XRN2: variants seen among roughly 807,000 people sequenced by gnomAD.
XRN2 encodes the protein DHM1-like protein.
A neutral mutation model predicts 138.5 loss-of-function variants in XRN2; 44 were observed. That is an observed-to-expected ratio of 0.32 (90% CI 0.25 to 0.41). The LOEUF is 0.41. Ranked by LOEUF, XRN2 falls within the 10% of genes least tolerant of loss-of-function variation. XRN2 has a pLI of 1.00. For missense variants in XRN2, 937 were observed against 1,169.3 expected, an observed-to-expected ratio of 0.80 and a Z score of 2.90; for synonymous variants, 354 against 369.4, an observed-to-expected ratio of 0.96 and a Z score of 0.48.
At position 21,333,197 on chromosome 20, in the gene XRN2, C is replaced by A. The variant is rs568327215; in HGVS notation, c.859-347C>A. On this transcript the variant is annotated intron_variant, in intron 9 of 29. Coordinates refer to ENST00000377191, the MANE Select transcript of XRN2 (RefSeq NM_012255.5). Reference sequence around the variant, plus strand: ...GTATAGGTCATCAGTTGGCAAACTTCAATCCTCCAGGTTTGGCCTGTGAGC... The same window carrying A: ...GTATAGGTCATCAGTTGGCAAACTTAAATCCTCCAGGTTTGGCCTGTGAGC... Among the ~76,000 whole-genome samples, 539 of 152,300 alleles carry A rather than the reference C, an allele frequency of 3.5e-3. 3 individuals are homozygous for A. Among genetic ancestry groups the A allele is most frequent in the African/African-American group, 0.012 (516 of 41,566 alleles).
chr20:21,375,010 C>CTTTTTT lies in XRN2; in HGVS notation c.2584+6440_2584+6445dup, dbSNP rs34212552. Among the ~76,000 whole-genome samples, 21 of 44,658 alleles carry CTTTTTT rather than the reference C, an allele frequency of 4.7e-4. 1 individual carries two copies. The highest frequency in any genetic ancestry group is 7.0e-4 in the Non-Finnish European group (17 of 24,234). 29.3% of individuals were successfully genotyped at this position (44,658 alleles called of 152,430 possible). ...ATTCTTATGTTGGTTTTGGTAAGTT[C>CTTTTTT]TTTTTTTTTTTTTTTTTTTTTTTTT... On this transcript the variant is annotated intron_variant, in intron 27 of 29. Coordinates refer to ENST00000377191, the MANE Select transcript of XRN2 (RefSeq NM_012255.5).
chr20:21,389,394 T>C lies in XRN2; in HGVS notation c.*56T>C. On this transcript the variant is annotated 3_prime_UTR_variant, in exon 30 of 30. Transcript: ENST00000377191. Reference sequence around the variant, plus strand: ...TCATTCTACAGTTTTATGCTATTTGTGGAAAGATTTCTTTCTCAAGTAGTA... The same window carrying C: ...TCATTCTACAGTTTTATGCTATTTGCGGAAAGATTTCTTTCTCAAGTAGTA... 1 of 1,521,678 alleles carries C rather than the reference T, an allele frequency of 6.6e-7. No individual in the cohort carries two copies. Among genetic ancestry groups the C allele is most frequent in the Non-Finnish European group, 8.9e-7 (1 of 1,119,370 alleles). The allele number at this position is 1,521,678 out of a possible 1,614,324, so 94.3% of individuals were successfully genotyped here.
chr20:21,377,472 G>T (rs1175807270), intron 27 of XRN2, among the ~76,000 whole-genome samples: 1 of 151,124 alleles, frequency 6.6e-6, no homozygotes. Flanking sequence ...GGCCAGGCTG[G>T]TCTCAAATTT....
chr20:21,356,505 C>A, intron 22 of XRN2, 81 bp from the exon 23 acceptor site: 1 of 1,256,872 alleles, frequency 8.0e-7, no homozygotes, highest in Non-Finnish European at 1.1e-6. Context: ...ATGAATGATG[C>A]TGCTATGAAC....
chr20:21,376,784 T>C (rs1202596532), intron 27 of XRN2, among the ~76,000 whole-genome samples: 1 of 152,156 alleles, frequency 6.6e-6, no homozygotes, highest in Non-Finnish European at 1.5e-5. Context: ...TTCACAGAGT[T>C]TGGAAACCCA....
chr20:21,332,409 GTGAAGGTT>G lies in XRN2; in HGVS notation c.830_837del (p.Glu277AlafsTer9). The G allele has an allele frequency of 6.2e-7, 1 of 1,611,736 alleles. No homozygotes were observed. Among genetic ancestry groups the G allele is most frequent in the Admixed American group, 1.7e-5 (1 of 59,810 alleles). On this transcript the variant is annotated frameshift_variant, in exon 9 of 30. Transcript: ENST00000377191. LOFTEE classifies it high-confidence loss of function. The stretch of plus-strand genomic sequence containing the variant: ...CAGTTTGGACATGAGGTCAAAGATT[GTGAAGGTT>G]TGCCAAGAGAAAAGAAGGGAAAGGT...
intron 1 of XRN2, 93 bp downstream of exon 1, chr20:21,303,566 G>A: frequency 7.1e-7 from 1 of 1,411,932 alleles, no homozygotes. Flanking sequence ...CCCCCGGGGA[G>A]CCTTGCCGGA....
chr20:21,303,794 G>C, intron 1 of XRN2: 2 of 1,107,880 alleles, frequency 1.8e-6, no homozygotes, highest in Non-Finnish European at 2.2e-6. Context: ...TCCAGACCGC[G>C]CATTTTGGGT....
chr20:21,348,307 A>G, intron 18 of XRN2, 34 bp from the exon 19 acceptor site: 1 of 1,612,272 alleles, frequency 6.2e-7, no homozygotes, highest in Non-Finnish European at 8.5e-7. Flanking sequence ...ATTAGATAAT[A>G]ATCTTGGGTC....
intron 1 of XRN2, among the ~76,000 whole-genome samples, chr20:21,314,794 G>A (rs6113187): frequency 6.6e-6 from 1 of 152,164 alleles, no homozygotes; most frequent in Admixed American, 6.5e-5. Flanking sequence ...CTGTGAAGCA[G>A]GTTTACTGTG....
At chr20:21,329,425 T>A (rs564472721) in intron 4 of XRN2, among the ~76,000 whole-genome samples, 316 of 152,274 alleles carry the variant, frequency 2.1e-3, no homozygotes, top group Non-Finnish European at 2.7e-3. Context: ...TAAGGGGGTA[T>A]AATAGACCAG....
At chr20:21,353,240 ATATATATATATATATATATATATATC>A (rs11466963) in intron 20 of XRN2, among the ~76,000 whole-genome samples, 95,078 of 140,112 alleles carry the variant, frequency 0.68, 32,429 homozygotes, top group South Asian at 0.83. Flanking sequence ...ATATATATAT[ATATATATATATATATATATATATATC>A]TCTTAAATGT....
At chr20:21,367,392 T>A (rs2038716264) in intron 26 of XRN2, among the ~76,000 whole-genome samples, 1 of 152,136 alleles carries the variant, frequency 6.6e-6, no homozygotes, top group Non-Finnish European at 1.5e-5. Context: ...ACCTTAAGAT[T>A]CAAAAAATTA....
At chr20:21,374,583 G>A (rs759179410) in intron 27 of XRN2, among the ~76,000 whole-genome samples, 1 of 151,766 alleles carries the variant, frequency 6.6e-6, no homozygotes, top group Non-Finnish European at 1.5e-5. Context: ...TTTCTTTGTT[G>A]TGTTAATATG....
At chr20:21,382,569 A>G (rs1010324687) in intron 28 of XRN2, among the ~76,000 whole-genome samples, 2 of 152,222 alleles carry the variant, frequency 1.3e-5, no homozygotes, top group African/African-American at 4.8e-5. Flanking sequence ...AGTAGTTATT[A>G]GTTGCCACTG....
intron 17 of XRN2, among the ~76,000 whole-genome samples, chr20:21,347,165 AAAAATAACTGAGTAATG>A (rs1243566854): frequency 6.6e-6 from 1 of 152,222 alleles, no homozygotes; most frequent in African/African-American, 2.4e-5. Flanking sequence ...ATTGGAGTTT[AAAAATAACTGAGTAATG>A]AATTGACAGT....
At chr20:21,371,636 A>G (rs2038763021) in intron 27 of XRN2, among the ~76,000 whole-genome samples, 1 of 152,270 alleles carries the variant, frequency 6.6e-6, no homozygotes, top group Non-Finnish European at 1.5e-5. Context: ...TGGTGAAAGC[A>G]TATCCAACAT....
At position 21,358,761 on chromosome 20, in the gene XRN2, G is replaced by A. The variant is rs147535490; in HGVS notation, c.2255+969G>A. ...ATGAGTTGCTTACGTTTATCTTTAC[G>A]TATAATTTTTTGTTTATCTTTACAC... On this transcript the variant is annotated intron_variant, in intron 24 of 29. Transcript: ENST00000377191. Among the ~76,000 whole-genome samples, 659 of 151,342 alleles carry A rather than the reference G, an allele frequency of 4.4e-3. 5 individuals are homozygous for A. Among genetic ancestry groups the A allele is most frequent in the South Asian group, 7.9e-3 (38 of 4,816 alleles).
chr20:21,379,187 G>C (rs527941289), intron 27 of XRN2, among the ~76,000 whole-genome samples: 64 of 152,258 alleles, frequency 4.2e-4, no homozygotes, highest in African/African-American at 1.5e-3. Context: ...AGTTTTTAAA[G>C]ACCAAAGGAA....
Sources: gnomAD v4.1 joint callset for allele counts (sites outside exome capture counted in the v4.1 genomes callset) on GRCh38, gnomAD v4.1.1 for gene constraint, MANE v1.5 for transcripts, NCBI Gene and HGNC (gene_info 2026-07-23, HGNC 2026-07-21) for gene names.